SORCS1: variants seen among roughly 807,000 people sequenced by gnomAD.
SORCS1 encodes VPS10 domain-containing receptor SorCS1.
A neutral mutation model predicts 146.1 loss-of-function variants in SORCS1; 60 were observed. The ratio of observed to expected loss-of-function variants is 0.41; its 90% CI spans 0.33 to 0.51. The LOEUF is 0.51. Among genes scored for constraint, SORCS1 ranks in the 20% least tolerant of loss-of-function variants. SORCS1 has a pLI of 0.21. For synonymous variants in SORCS1, 637 were observed against 584.0 expected, an observed-to-expected ratio of 1.09 and a Z score of -1.31; for missense variants, 1,352 against 1,487.6, an observed-to-expected ratio of 0.91 and a Z score of 1.50.
At chr10:106,647,389 T>TACACACACACACAC (rs3044913) in intron 18 of SORCS1, among the ~76,000 whole-genome samples, 48,848 of 147,088 alleles carry the variant, frequency 0.33, 9,595 homozygotes, top group Non-Finnish European at 0.44. Flanking sequence ...TTATAAATTT[T>TACACACACACACAC]ACACACACAC....
intron 10 of SORCS1, among the ~76,000 whole-genome samples, chr10:106,681,209 T>G (rs569052297): frequency 6.6e-6 from 1 of 152,314 alleles, no homozygotes; most frequent in African/African-American, 2.4e-5. Flanking sequence ...CAGAACAGCA[T>G]AGTACAACAC....
chr10:106,840,859 A>T (rs1948999353), intron 2 of SORCS1, among the ~76,000 whole-genome samples: 1 of 106,752 alleles, frequency 9.4e-6, no homozygotes, highest in African/African-American at 3.6e-5. Context: ...ATATATATAT[A>T]TATATTTTTT....
chr10:106,855,956 T>C (rs1317806342), intron 2 of SORCS1, among the ~76,000 whole-genome samples: 1 of 151,964 alleles, frequency 6.6e-6, no homozygotes, highest in East Asian at 1.9e-4. Context: ...AGGTACTAGG[T>C]AAAAGGAACC....
At chr10:106,956,413 T>G in intron 2 of SORCS1, 100 bp downstream of exon 2, 7 of 1,038,898 alleles carry the variant, frequency 6.7e-6, no homozygotes, top group Non-Finnish European at 8.8e-6. Flanking sequence ...GCAGTGCATA[T>G]CACCAGGAAC....
chr10:106,579,391 A>G lies in SORCS1; in HGVS notation c.3349T>C (p.Phe1117Leu). The G allele has an allele frequency of 6.2e-7, 1 of 1,614,026 alleles. No homozygotes were observed. Among genetic ancestry groups the G allele is most frequent in the Non-Finnish European group, 8.5e-7 (1 of 1,179,984 alleles). The change falls in exon 25 of 26, where the codon TTC (phenylalanine) becomes CTC (leucine). Residue 1117 changes from phenylalanine (F) to leucine (L), a missense_variant. Around this residue, in one of 3 missense-constraint regions of SORCS1, gnomAD observed 214 missense variants for 204.8 expected, o/e 1.05. Coordinates refer to ENST00000263054, the MANE Select transcript of SORCS1 (RefSeq NM_052918.5). ...CACCTTTTAAACTTGTAGATGACGA[A>G]CACTGCCAGCCCCACAAACACCACT... is the stretch of plus-strand genomic sequence containing the variant. ...LSVVFVGLAV[F>L]VIYKFKRRVA...
intron 3 of SORCS1, among the ~76,000 whole-genome samples, chr10:106,789,799 T>A (rs1184737021): frequency 6.6e-6 from 1 of 152,248 alleles, no homozygotes; most frequent in Admixed American, 6.5e-5. Context: ...TGTATTAGTC[T>A]GTTCTCACAC....
At chr10:106,943,722 A>G (rs1589757596) in intron 2 of SORCS1, among the ~76,000 whole-genome samples, 1 of 152,044 alleles carries the variant, frequency 6.6e-6, no homozygotes, top group African/African-American at 2.4e-5. Context: ...AGGCAGGAGA[A>G]TGGCGTGAAC....
chr10:107,015,121 T>C (rs902033898), intron 1 of SORCS1, among the ~76,000 whole-genome samples: 2 of 152,204 alleles, frequency 1.3e-5, no homozygotes, highest in African/African-American at 4.8e-5. Context: ...TAGAAACAGA[T>C]TACGCTTAAC....
the SORCS1 span, among the ~76,000 whole-genome samples, chr10:107,170,942 C>T: frequency 2.0e-5 from 3 of 152,150 alleles, no homozygotes; most frequent in Non-Finnish European, 2.9e-5. Flanking sequence ...TTTTAAATCC[C>T]GTGCATGTCA....
intron 2 of SORCS1, among the ~76,000 whole-genome samples, chr10:106,938,246 A>G (rs1953853562): frequency 6.6e-6 from 1 of 152,194 alleles, no homozygotes; most frequent in South Asian, 2.1e-4. Context: ...GTACAGGCCT[A>G]TTTCAGGAAC....
At chr10:106,682,968 G>A (rs1852554465) in intron 10 of SORCS1, among the ~76,000 whole-genome samples, 1 of 152,168 alleles carries the variant, frequency 6.6e-6, no homozygotes, top group South Asian at 2.1e-4. Flanking sequence ...ACAGGCCATG[G>A]CATATCATCA....
At chr10:106,649,180 T>G (rs1849677278) in intron 18 of SORCS1, among the ~76,000 whole-genome samples, 1 of 152,172 alleles carries the variant, frequency 6.6e-6, no homozygotes, top group Non-Finnish European at 1.5e-5. Flanking sequence ...CGTCTGTCCT[T>G]GCGACAAGGT....
At chr10:106,932,916 C>T (rs866147669) in intron 2 of SORCS1, among the ~76,000 whole-genome samples, 3 of 152,092 alleles carry the variant, frequency 2.0e-5, no homozygotes, top group African/African-American at 4.8e-5. Flanking sequence ...ATCTGAGACC[C>T]GGGCCTCTGC....
chr10:106,952,974 TTC>T (rs1954763567), intron 2 of SORCS1, among the ~76,000 whole-genome samples: 1 of 151,760 alleles, frequency 6.6e-6, no homozygotes, highest in African/African-American at 2.4e-5. Flanking sequence ...CAGGGTGAGA[TTC>T]TGTCTCAAAT....
intron 23 of SORCS1, among the ~76,000 whole-genome samples, chr10:106,598,955 G>A (rs1342319137): frequency 1.3e-5 from 2 of 152,176 alleles, no homozygotes; most frequent in Non-Finnish European, 2.9e-5. Context: ...TTCAAATGCT[G>A]TCATTTAGCA....
At chr10:107,039,241 T>C (rs1959055239) in intron 1 of SORCS1, among the ~76,000 whole-genome samples, 1 of 145,292 alleles carries the variant, frequency 6.9e-6, no homozygotes, top group East Asian at 2.1e-4. Flanking sequence ...GGCAGGAAAA[T>C]GGCGTGAACC....
intron 2 of SORCS1, among the ~76,000 whole-genome samples, chr10:106,912,003 C>T (rs1021895306): frequency 7.3e-5 from 11 of 151,590 alleles, no homozygotes; most frequent in Non-Finnish European, 1.6e-4. Flanking sequence ...GTCCCAGCTA[C>T]TCAGGAGGCT....
intron 1 of SORCS1, among the ~76,000 whole-genome samples, chr10:107,038,722 A>G (rs1001588510): frequency 5.3e-5 from 8 of 151,050 alleles, no homozygotes; most frequent in Non-Finnish European, 8.9e-5. Flanking sequence ...AGTGGTGAGG[A>G]CTAAATGAGA....
At chr10:106,617,289 C>T (rs1847437006) in intron 21 of SORCS1, among the ~76,000 whole-genome samples, 1 of 152,008 alleles carries the variant, frequency 6.6e-6, no homozygotes, top group South Asian at 2.1e-4. Flanking sequence ...TCCTTCCTCC[C>T]TCCTTCTGCC....
Sources: gnomAD v4.1 joint callset for allele counts (sites outside exome capture counted in the v4.1 genomes callset) on GRCh38, gnomAD v4.1.1 for gene constraint, gnomAD v4.1.1 regional missense constraint, MANE v1.5 for transcripts, NCBI Gene and HGNC (gene_info 2026-07-23, HGNC 2026-07-21) for gene names.